MED27: variants seen among roughly 807,000 people sequenced by gnomAD.
MED27 encodes mediator complex subunit 27, also known as mediator of RNA polymerase II transcription subunit 27.
Under a neutral mutation model 38.2 loss-of-function variants are expected in MED27, and 30 were observed. That is an observed-to-expected ratio of 0.79 (90% CI 0.59 to 1.07). The LOEUF is 1.07. MED27 is among the 50% of genes least tolerant of loss of function. MED27 has a pLI of 0.00. For synonymous variants in MED27, 122 were observed against 153.5 expected (o/e 0.79, Z 1.52); for missense variants, 289 against 397.5 (o/e 0.73, Z 2.32).
intron 6 of MED27, among the ~76,000 whole-genome samples, chr9:131,876,801 G>A (rs752689434): frequency 6.2e-4 from 94 of 152,238 alleles, no homozygotes; most frequent in Admixed American, 2.8e-3. Context: ...ACCACTCATC[G>A]GAGTCATGGA....
intron 6 of MED27, chr9:131,869,070 A>T: frequency 1.0e-6 from 1 of 985,378 alleles, no homozygotes; most frequent in Non-Finnish European, 1.2e-6. Context: ...ATTCTCTTCC[A>T]CTGCCAAGTG....
chr9:132,028,824 G>T (rs1291501828), intron 2 of MED27, among the ~76,000 whole-genome samples: 5 of 152,168 alleles, frequency 3.3e-5, no homozygotes, highest in Non-Finnish European at 5.9e-5. Flanking sequence ...CAATCTGTGG[G>T]ATCAGAACTT....
intron 3 of MED27, among the ~76,000 whole-genome samples, chr9:132,004,873 A>C (rs1342654793): frequency 6.6e-6 from 1 of 152,234 alleles, no homozygotes; most frequent in Non-Finnish European, 1.5e-5. Context: ...CATTCATTCA[A>C]CCAACAGTGC....
In MED27 at chr9:132,070,709, G is replaced by C. The variant is rs540095633; in HGVS notation, c.348+6733C>G. On this transcript the variant is annotated intron_variant, in intron 2 of 7. Transcript: ENST00000292035. Reference sequence around the variant, plus strand: ...CAAATATCTGCCTGGGGCAGAATATGCCCTTCTCACCTCCTCTCCATGGTC... The same window carrying C: ...CAAATATCTGCCTGGGGCAGAATATCCCCTTCTCACCTCCTCTCCATGGTC... Among the ~76,000 whole-genome samples, 240 of 149,940 alleles carry C rather than the reference G, an allele frequency of 1.6e-3. 2 individuals carry two copies. The highest frequency in any genetic ancestry group is 5.8e-3 in the African/African-American group (237 of 40,946).
Position 131,933,661 on chromosome 9 carries a change from C to A in MED27, c.573+5720G>T, listed in dbSNP as rs114368007. On this transcript the variant is annotated intron_variant, in intron 4 of 7. Coordinates refer to ENST00000292035, the MANE Select transcript of MED27 (RefSeq NM_004269.4). ...GACACAAAAAGATGGAAAGATATTC[C>A]ATGTTCATAGGTTGGAAGAATCAAT... 5.2e-3 allele frequency among the ~76,000 whole-genome samples: 790 copies of A among 151,940 alleles called. 3 individuals are homozygous for A. Among genetic ancestry groups the A allele is most frequent in the African/African-American group, 0.017 (708 of 41,428 alleles).
intron 2 of MED27, among the ~76,000 whole-genome samples, chr9:132,030,629 T>C (rs1339772866): frequency 1.3e-5 from 2 of 152,212 alleles, no homozygotes; most frequent in African/African-American, 2.4e-5. Context: ...CTTAGAATCA[T>C]GTGATGAAAA....
intron 4 of MED27, among the ~76,000 whole-genome samples, chr9:131,924,273 G>A (rs530140985): frequency 6.6e-6 from 1 of 152,148 alleles, no homozygotes; most frequent in East Asian, 1.9e-4. Flanking sequence ...TGCCAATCTG[G>A]TAGGTGAGAA....
At chr9:132,079,583 T>G in intron 1 of MED27, 59 bp downstream of exon 1, 2 of 1,531,054 alleles carry the variant, frequency 1.3e-6, no homozygotes, top group Non-Finnish European at 1.8e-6. Flanking sequence ...TCGAGCGACG[T>G]AGGGGCAGGG....
Position 131,917,570 on chromosome 9 carries a change from G to A in MED27, c.573+21811C>T, listed in dbSNP as rs1206877421. Among the ~76,000 whole-genome samples the A allele has an allele frequency of 6.6e-6, 1 of 152,150 alleles. No homozygotes were observed. Among genetic ancestry groups the A allele is most frequent in the African/African-American group, 2.4e-5 (1 of 41,426 alleles). ...GCAGTGAAGATGGGGTGGGGGGCTAGTGTGCAGGGACGAGGTAGGCTGATA... is the reference window on the plus strand; with the variant it reads ...GCAGTGAAGATGGGGTGGGGGGCTAATGTGCAGGGACGAGGTAGGCTGATA... On this transcript the variant is annotated intron_variant, in intron 4 of 7. Transcript: ENST00000292035. This position sits in a 1 kb window ranked among gnomAD's most constrained non-coding sequence, Gnocchi z 4.6.
chr9:131,971,320 T>TG (rs1418790551), intron 3 of MED27, among the ~76,000 whole-genome samples: 2 of 152,120 alleles, frequency 1.3e-5, no homozygotes, highest in African/African-American at 4.8e-5. Context: ...GGCTCAAACT[T>TG]GGAGATTTCC....
intron 6 of MED27, among the ~76,000 whole-genome samples, chr9:131,871,700 C>T (rs537406171): frequency 3.3e-4 from 50 of 152,244 alleles, no homozygotes; most frequent in African/African-American, 1.2e-3. Context: ...CAGACACACA[C>T]CCCCACGCCT....
chr9:132,011,945 C>A (rs76371366), intron 3 of MED27, among the ~76,000 whole-genome samples: 2,022 of 112,558 alleles, frequency 0.018, 26 homozygotes, highest in South Asian at 0.085. Flanking sequence ...GAACACCTCT[C>A]GCTCTTTTTT....
intron 3 of MED27, among the ~76,000 whole-genome samples, chr9:131,951,956 G>C (rs1314047556): frequency 2.0e-5 from 3 of 152,222 alleles, no homozygotes; most frequent in Non-Finnish European, 4.4e-5. Flanking sequence ...GCCAACGAGA[G>C]AGTGGACAGA....
chr9:132,056,196 C>T (rs575599565), intron 2 of MED27, among the ~76,000 whole-genome samples: 24 of 152,276 alleles, frequency 1.6e-4, no homozygotes, highest in African/African-American at 3.9e-4. Context: ...TTCATTAAGT[C>T]GGACAAATAC....
intron 2 of MED27, among the ~76,000 whole-genome samples, chr9:132,046,942 GA>G (rs1258135019): frequency 2.0e-5 from 3 of 152,138 alleles, no homozygotes; most frequent in Admixed American, 1.3e-4. Context: ...AAAAGTATAA[GA>G]GAGATTACAC....
At chr9:132,029,694 G>C (rs1255186762) in intron 2 of MED27, among the ~76,000 whole-genome samples, 2 of 152,178 alleles carry the variant, frequency 1.3e-5, no homozygotes, top group Non-Finnish European at 2.9e-5. Context: ...AGGTGGGGAG[G>C]AAGACAAGCC....
intron 2 of MED27, among the ~76,000 whole-genome samples, chr9:132,067,374 T>A (rs1186765007): frequency 6.6e-6 from 1 of 152,178 alleles, no homozygotes; most frequent in Non-Finnish European, 1.5e-5. Context: ...CTAATTTGGA[T>A]GCATCTCAAA....
At chr9:132,071,341 C>T (rs1390036944) in intron 2 of MED27, among the ~76,000 whole-genome samples, 2 of 151,884 alleles carry the variant, frequency 1.3e-5, no homozygotes, top group African/African-American at 2.4e-5. Context: ...TGAATGAGCA[C>T]ACACACATAC....
chr9:131,882,141 A>G (rs538713432), intron 6 of MED27, among the ~76,000 whole-genome samples: 124 of 152,264 alleles, frequency 8.1e-4, no homozygotes, highest in African/African-American at 2.8e-3. Flanking sequence ...TGTAATGCTT[A>G]TATAGGTTCC....
Sources: allele counts gnomAD v4.1 joint callset (sites outside exome capture counted in the v4.1 genomes callset), GRCh38; gene constraint gnomAD v4.1.1; non-coding constraint Gnocchi (gnomAD v3.1); transcripts MANE v1.5; gene names NCBI Gene and HGNC (gene_info 2026-07-23, HGNC 2026-07-21).